The following GALNT13 variants were observed in gnomAD, a reference collection of about 807,000 sequenced individuals.
GALNT13 encodes polypeptide N-acetylgalactosaminyltransferase 13.
GALNT13 carries 28 observed loss-of-function variants against 64.2 expected under a neutral mutation model. The observed-to-expected ratio is 0.44, with a 90% CI of 0.32 to 0.60. The LOEUF is 0.60. GALNT13 is among the 20% of genes least tolerant of loss of function. The pLI is 0.05. For missense variants in GALNT13, 577 were observed against 669.8 expected, an observed-to-expected ratio of 0.86 and a Z score of 1.53; for synonymous variants, 214 against 224.6, an observed-to-expected ratio of 0.95 and a Z score of 0.42.
chr2:153,752,934 T>G, the GALNT13 span, among the ~76,000 whole-genome samples: 1 of 152,156 alleles, frequency 6.6e-6, no homozygotes, highest in African/African-American at 2.4e-5. Context: ...TTCATTGCTT[T>G]TTATTATTTT....
chr2:153,467,215 CAAGT>C, the GALNT13 span, among the ~76,000 whole-genome samples: 1 of 151,872 alleles, frequency 6.6e-6, no homozygotes, highest in South Asian at 2.1e-4. Flanking sequence ...TATACATTTC[CAAGT>C]AAGGGGCTAT....
At chr2:153,965,523 T>A (rs1171942216) in intron 3 of GALNT13, among the ~76,000 whole-genome samples, 1 of 152,140 alleles carries the variant, frequency 6.6e-6, no homozygotes, top group Non-Finnish European at 1.5e-5. Flanking sequence ...AAGGGACAAA[T>A]GACATATTCT....
chr2:153,760,696 A>T, the GALNT13 span, among the ~76,000 whole-genome samples: 1 of 152,134 alleles, frequency 6.6e-6, no homozygotes, highest in Non-Finnish European at 1.5e-5. Flanking sequence ...CCTTTCAAAG[A>T]ACATGTATTC....
chr2:153,123,663 T>C, the GALNT13 span, among the ~76,000 whole-genome samples: 1 of 152,198 alleles, frequency 6.6e-6, no homozygotes, highest in African/African-American at 2.4e-5. Flanking sequence ...ACATAGGATA[T>C]AATGATAATA....
chr2:154,360,733 T>C (rs922551600), intron 9 of GALNT13, among the ~76,000 whole-genome samples: 1 of 152,094 alleles, frequency 6.6e-6, no homozygotes, highest in Non-Finnish European at 1.5e-5. Context: ...TAACATACTG[T>C]GTACTAGAAA....
the GALNT13 span, among the ~76,000 whole-genome samples, chr2:153,700,230 C>T: frequency 1.3e-5 from 2 of 152,236 alleles, no homozygotes; most frequent in South Asian, 4.2e-4. Flanking sequence ...ATAAACAGAA[C>T]CAATGACAAA....
At chr2:153,129,095 T>C in the GALNT13 span, among the ~76,000 whole-genome samples, 1 of 152,202 alleles carries the variant, frequency 6.6e-6, no homozygotes, top group African/African-American at 2.4e-5. Context: ...CCACGAATAC[T>C]GGCTTTGATT....
chr2:153,948,832 C>G (rs1691962334), intron 3 of GALNT13, among the ~76,000 whole-genome samples: 2 of 151,834 alleles, frequency 1.3e-5, no homozygotes, highest in African/African-American at 4.8e-5. Context: ...TAGACAGGAA[C>G]AAAACACTCT....
chr2:154,183,783 A>G (rs986574435), intron 4 of GALNT13, among the ~76,000 whole-genome samples: 2 of 151,534 alleles, frequency 1.3e-5, no homozygotes, highest in Non-Finnish European at 2.9e-5. Flanking sequence ...TCTTAGTTTC[A>G]TTTTTCTTTT....
At chr2:153,670,986 G>C in the GALNT13 span, among the ~76,000 whole-genome samples, 1 of 152,154 alleles carries the variant, frequency 6.6e-6, no homozygotes, top group Admixed American at 6.6e-5. Context: ...AATAAAGCAA[G>C]AAGACAAGAA....
intron 11 of GALNT13, among the ~76,000 whole-genome samples, chr2:154,413,386 T>A (rs1699875690): frequency 6.6e-6 from 1 of 151,990 alleles, no homozygotes; most frequent in Non-Finnish European, 1.5e-5. Flanking sequence ...CTAGCCTATA[T>A]CTACTTTTAC....
the GALNT13 span, among the ~76,000 whole-genome samples, chr2:153,195,792 T>C: frequency 6.6e-6 from 1 of 152,192 alleles, no homozygotes; most frequent in Non-Finnish European, 1.5e-5. Context: ...GAATGAGCTA[T>C]GCAGATATGT....
the GALNT13 span, among the ~76,000 whole-genome samples, chr2:153,108,035 AC>A: frequency 1.3e-5 from 2 of 151,878 alleles, no homozygotes; most frequent in Non-Finnish European, 2.9e-5. Context: ...GCATCACCAC[AC>A]TCGGCTAATT....
chr2:153,090,430 A>G, the GALNT13 span, among the ~76,000 whole-genome samples: 1 of 152,038 alleles, frequency 6.6e-6, no homozygotes, highest in African/African-American at 2.4e-5. Context: ...TGCTGGTTAT[A>G]CTAGCAGTGA....
intron 3 of GALNT13, among the ~76,000 whole-genome samples, chr2:154,052,717 C>T (rs1004210826): frequency 1.4e-5 from 2 of 146,560 alleles, no homozygotes; most frequent in Non-Finnish European, 3.0e-5. Flanking sequence ...TCTTTGTTCA[C>T]TTTACTACAG....
intron 4 of GALNT13, among the ~76,000 whole-genome samples, chr2:154,162,250 G>A (rs1355873656): frequency 6.6e-6 from 1 of 152,138 alleles, no homozygotes; most frequent in African/African-American, 2.4e-5. Context: ...TGTGTATGTG[G>A]GGAAATATCT....
chr2:153,365,674 C>A, the GALNT13 span, among the ~76,000 whole-genome samples: 1 of 152,106 alleles, frequency 6.6e-6, no homozygotes, highest in South Asian at 2.1e-4. Context: ...TAGAGAAATG[C>A]AAATCAAAAC....
chr2:153,287,314 C>T, the GALNT13 span, among the ~76,000 whole-genome samples: 1 of 152,136 alleles, frequency 6.6e-6, no homozygotes, highest in Non-Finnish European at 1.5e-5. Context: ...CCCCGGTGGG[C>T]GTGTGTTACC....
intron 3 of GALNT13, among the ~76,000 whole-genome samples, chr2:154,123,956 A>G (rs1682108601): frequency 6.6e-6 from 1 of 152,224 alleles, no homozygotes; most frequent in South Asian, 2.1e-4. Context: ...ACATGGGTAT[A>G]TACATTTGTC....
Sources: allele counts gnomAD v4.1 joint callset (sites outside exome capture counted in the v4.1 genomes callset), GRCh38; gene constraint gnomAD v4.1.1; transcripts MANE v1.5; gene names NCBI Gene and HGNC (gene_info 2026-07-23, HGNC 2026-07-21).